LGALS8: variants seen among roughly 807,000 people sequenced by gnomAD.
LGALS8 encodes the protein galectin-8.
Under a neutral mutation model 35.9 loss-of-function variants are expected in LGALS8, and 30 were observed. The ratio of observed to expected loss-of-function variants is 0.83; its 90% CI spans 0.62 to 1.13. LGALS8 has a LOEUF of 1.13. Ranked by LOEUF, LGALS8 falls within the 50% of genes most tolerant of loss-of-function variation. The probability of loss-of-function intolerance (pLI) is 0.00; values close to 1 mark genes in which losing one functional copy is unlikely to be tolerated. For missense variants in LGALS8, 366 were observed against 388.7 expected, an observed-to-expected ratio of 0.94 and a Z score of 0.49; for synonymous variants, 138 against 136.1, an observed-to-expected ratio of 1.01 and a Z score of -0.10.
At position 236,548,324 on chromosome 1, in the gene LGALS8, G is replaced by T; in HGVS notation, c.*163G>T. The T allele has an allele frequency of 1.5e-6, 1 of 675,266 alleles. No individual in the cohort carries two copies. The highest frequency in any genetic ancestry group is 2.5e-6 in the Non-Finnish European group (1 of 402,176). 41.8% of individuals were successfully genotyped at this position (675,266 alleles called of 1,614,324 possible). The stretch of plus-strand genomic sequence containing the variant: ...TTCTCAGTCCTTGCCATGAAGTATG[G>T]TGGTGTCTAGCACTGAATGGGGAAA... On this transcript the variant is annotated 3_prime_UTR_variant, in exon 10 of 10. Transcript: ENST00000366584.
Position 236,550,020 on chromosome 1 carries a change from A to G in LGALS8, c.*1859A>G, listed in dbSNP as rs971959380. 2 of 152,188 alleles carry G rather than the reference A, an allele frequency of 1.3e-5. No individual in the cohort carries two copies. The highest frequency in any genetic ancestry group is 2.9e-5 in the Non-Finnish European group (2 of 68,044). 9.4% of individuals were successfully genotyped at this position (152,188 alleles called of 1,614,324 possible). A position where few individuals can be genotyped will look rare whatever the true frequency, so the allele number is the denominator to read the frequency against. ...CGAACATTCTACGGGATGTTCTTAG[A>G]TGCCTTTAAAAAGGGGGCAGATCTA... On this transcript the variant is annotated 3_prime_UTR_variant, in exon 10 of 10. Coordinates refer to ENST00000366584, the MANE Select transcript of LGALS8 (RefSeq NM_201544.4).
intron 1 of LGALS8, chr1:236,524,837 T>A (rs987743890): frequency 4.7e-5 from 9 of 192,674 alleles, no homozygotes; most frequent in Non-Finnish European, 1.0e-4. Context: ...ACGAATTAAG[T>A]TAATGACATG....
Position 236,547,906 on chromosome 1 carries a change from TTTTC to T in LGALS8, c.805-104_805-101del, listed in dbSNP as rs1662489219. The T allele has an allele frequency of 3.0e-6, 3 of 1,013,500 alleles. No homozygotes were observed. In the African/African-American group the frequency reaches 4.8e-5, roughly 16 times the overall value. 62.8% of individuals were successfully genotyped at this position (1,013,500 alleles called of 1,614,324 possible). On this transcript the variant is annotated intron_variant, in intron 9 of 9. Coordinates refer to ENST00000366584, the MANE Select transcript of LGALS8 (RefSeq NM_201544.4). ...GAAGTCAGCAGCAGCAGGCTGGAAC[TTTTC>T]TATGTATAATCAAATGGTTTACTCT...
Position 236,528,274 on chromosome 1 carries a change from C to A in LGALS8, c.45+2159C>A, listed in dbSNP as rs1055854670. ...GCAGCCTCCTGTAATCCCAGCTACT[C>A]GGGAGGCTGAGGCAAGAGAATCACT... On this transcript the variant is annotated intron_variant, in intron 2 of 9. Coordinates refer to ENST00000366584, the MANE Select transcript of LGALS8 (RefSeq NM_201544.4). Among the ~76,000 whole-genome samples the A allele has an allele frequency of 2.7e-5, 4 of 150,366 alleles. No homozygotes were observed. In the South Asian group the frequency reaches 8.6e-4, roughly 32 times the overall value.
chr1:236,544,905 T>G lies in LGALS8; in HGVS notation c.794T>G (p.Met265Arg). 3.1e-6 allele frequency: 5 copies of G among 1,608,216 alleles called. No individual in the cohort carries two copies. The highest frequency in any genetic ancestry group is 4.2e-6 in the Non-Finnish European group (5 of 1,177,022). Reference sequence around the variant, plus strand: ...ACCTCTTTCCCATTTAGTCCTGGGATGTACTTTGAGGTGAGGTTACAGTTT... The same window carrying G: ...ACCTCTTTCCCATTTAGTCCTGGGAGGTACTTTGAGGTGAGGTTACAGTTT... The part of the protein sequence containing the change: ...NITSFPFSPG[M>R]YFEMIIYCDV... Residue 265 changes from methionine to arginine, a missense_variant, in exon 9 of 10, where the codon ATG (methionine) becomes AGG (arginine). Met to Arg is a moderately conservative substitution (Grantham distance 91). Transcript: ENST00000366584.
chr1:236,538,562 C>T (rs2472124), intron 3 of LGALS8, among the ~76,000 whole-genome samples: 93,035 of 152,132 alleles, frequency 0.61, 29,351 homozygotes, highest in Non-Finnish European at 0.69. Flanking sequence ...AGGCAGTTTC[C>T]AGTAGCCTTC....
At chr1:236,531,459 G>A (rs542938102) in intron 2 of LGALS8, among the ~76,000 whole-genome samples, 1 of 152,204 alleles carries the variant, frequency 6.6e-6, no homozygotes, top group Admixed American at 6.5e-5. Context: ...GAGTAGCTGG[G>A]ACTACAGGCG....
rs531973019 is a variant in LGALS8 at position 236,534,527 on chromosome 1, T to C, written c.46-2970T>C. ...TAGCTTGGAGTAGCCTAGAAAACAA[T>C]GTATGTCCTCCGTTTTCACAGAAGC... On this transcript the variant is annotated intron_variant, in intron 2 of 9. Transcript: ENST00000366584. 4.0e-5 allele frequency among the ~76,000 whole-genome samples: 6 copies of C among 151,882 alleles called. No individual in the cohort carries two copies. In the East Asian group the frequency reaches 9.7e-4, roughly 25 times the overall value.
At chr1:236,532,154 C>T (rs1661185710) in intron 2 of LGALS8, among the ~76,000 whole-genome samples, 1 of 152,184 alleles carries the variant, frequency 6.6e-6, no homozygotes, top group Non-Finnish European at 1.5e-5. Context: ...ATATTATTTG[C>T]ATGAACAGTT....
At position 236,543,556 on chromosome 1, in the gene LGALS8, T is replaced by C; in HGVS notation, c.550-4T>C. On this transcript the variant is annotated splice_region_variant and splice_polypyrimidine_tract_variant and intron_variant, in intron 7 of 9. Transcript: ENST00000366584. Reference sequence around the variant, plus strand: ...TCTTGGTCCTGACTGTGGCTTCTTTTCAGAGGCTGCCATTCGCTGCAAGGT... The same window carrying C: ...TCTTGGTCCTGACTGTGGCTTCTTTCCAGAGGCTGCCATTCGCTGCAAGGT... 1.2e-6 allele frequency: 2 copies of C among 1,613,030 alleles called. No homozygotes were observed. The highest frequency in any genetic ancestry group is 2.2e-5 in the East Asian group (1 of 44,862).
intron 9 of LGALS8, among the ~76,000 whole-genome samples, chr1:236,547,483 G>C (rs1427612557): frequency 6.6e-6 from 1 of 152,110 alleles, no homozygotes; most frequent in South Asian, 2.1e-4. Flanking sequence ...AAAAACCCTA[G>C]CAAGTGCCTT....
Position 236,551,979 on chromosome 1 carries a change from G to T in LGALS8, c.*3818G>T. The stretch of plus-strand genomic sequence containing the variant: ...ATTATTCCTTAATTGTTTAATGGTT[G>T]GGAATAGTTTGGGAATTACCTTCCA... On this transcript the variant is annotated 3_prime_UTR_variant, in exon 10 of 10. Transcript: ENST00000366584. 1 of 1,425,432 alleles carries T rather than the reference G, an allele frequency of 7.0e-7. No homozygotes were observed. Among genetic ancestry groups the T allele is most frequent in the Non-Finnish European group, 9.9e-7 (1 of 1,010,534 alleles). The allele number at this position is 1,425,432 out of a possible 1,614,324, so 88.3% of individuals were successfully genotyped here.
At chr1:236,540,524 T>G in intron 4 of LGALS8, 40 bp from the exon 5 acceptor site, 1 of 1,441,526 alleles carries the variant, frequency 6.9e-7, no homozygotes, top group Non-Finnish European at 9.2e-7. Flanking sequence ...ACTGTTTTTT[T>G]TTGGTGGCGG....
upstream of LGALS8, chr1:236,523,365 C>A (rs1558152406): frequency 6.6e-6 from 1 of 152,518 alleles, no homozygotes; most frequent in South Asian, 2.1e-4. Flanking sequence ...TGAACCCTTC[C>A]CCCACCGTTT....
chr1:236,518,849 C>CA (rs1247674966), upstream of LGALS8, among the ~76,000 whole-genome samples: 1 of 151,872 alleles, frequency 6.6e-6, no homozygotes, highest in Non-Finnish European at 1.5e-5. Context: ...AGAGGGGGTC[C>CA]AAAAATTTTA....
chr1:236,530,646 T>C (rs1252514247), intron 2 of LGALS8, among the ~76,000 whole-genome samples: 1 of 152,210 alleles, frequency 6.6e-6, no homozygotes, highest in Non-Finnish European at 1.5e-5. Context: ...CAAACCAGCT[T>C]TCCTCTTGCA....
intron 4 of LGALS8, chr1:236,540,008 G>C (rs1219480432): frequency 6.6e-6 from 1 of 152,234 alleles, no homozygotes; most frequent in Non-Finnish European, 1.5e-5. Context: ...CCGAGGACCT[G>C]CAGAAGCTAC....
chr1:236,544,793 C>CT lies in LGALS8; in HGVS notation c.683dup (p.His229ThrfsTer9), dbSNP rs1174993270. On this transcript the variant is annotated frameshift_variant, in exon 9 of 10. Coordinates refer to ENST00000366584, the MANE Select transcript of LGALS8 (RefSeq NM_201544.4). LOFTEE classifies it high-confidence loss of function. ...AGCAGGAAAATCAAAGGATATTGCT[C>CT]TACACTTGAACCCACGCCTGAATAT... is the stretch of plus-strand genomic sequence containing the variant. The CT allele has an allele frequency of 6.2e-7, 1 of 1,613,362 alleles. No homozygotes were observed. The highest frequency in any genetic ancestry group is 8.5e-7 in the Non-Finnish European group (1 of 1,179,636).
chr1:236,519,236 A>T (rs1419045849), upstream of LGALS8, among the ~76,000 whole-genome samples: 3 of 151,836 alleles, frequency 2.0e-5, no homozygotes, highest in Non-Finnish European at 4.4e-5. Context: ...CAAAAAAAAA[A>T]AAAAATTAGT....
Sources: gnomAD v4.1 joint callset for allele counts (sites outside exome capture counted in the v4.1 genomes callset) on GRCh38, gnomAD v4.1.1 for gene constraint, MANE v1.5 for transcripts, NCBI Gene and HGNC (gene_info 2026-07-23, HGNC 2026-07-21) for gene names.